PDZD4: variants seen among roughly 807,000 people sequenced by gnomAD.
PDZD4 encodes the protein PDZ domain containing 4.
PDZD4 carries 9 observed loss-of-function variants against 38.5 expected under a neutral mutation model. The observed-to-expected ratio is 0.23, with a 90% CI of 0.14 to 0.41. The LOEUF is 0.41. Among genes scored for constraint, PDZD4 ranks in the 10% least tolerant of loss-of-function variants. The pLI is 1.00. For missense variants in PDZD4, 612 were observed against 722.0 expected (o/e 0.85, Z 1.75); for synonymous variants, 349 against 315.7 (o/e 1.11, Z -1.12).
At chrX:153,807,922 T>C in intron 2 of PDZD4, 1 of 983,619 alleles carries the variant, frequency 1.0e-6, no homozygotes, top group Non-Finnish European at 1.3e-6. Context: ...CAGGCCTGGA[T>C]GAAAGGCCCT....
chrX:153,810,330 C>T (rs915515327), intron 1 of PDZD4, among the ~76,000 whole-genome samples: 3 of 112,481 alleles, frequency 2.7e-5, no homozygotes, highest in Admixed American at 9.3e-5. Context: ...ATGCACGCCT[C>T]GGTGGGAGGC....
At chrX:153,818,196 A>G (rs2064381935) in intron 1 of PDZD4, among the ~76,000 whole-genome samples, 1 of 111,666 alleles carries the variant, frequency 9.0e-6, no homozygotes, top group Non-Finnish European at 1.9e-5. Flanking sequence ...CAGTGAGCCC[A>G]GATCACACCA....
intron 1 of PDZD4, among the ~76,000 whole-genome samples, chrX:153,810,645 C>T (rs1258920426): frequency 8.9e-6 from 1 of 112,458 alleles, no homozygotes; most frequent in African/African-American, 3.2e-5. Context: ...ATTCTCACGG[C>T]GGCACCTCCC....
intron 2 of PDZD4, among the ~76,000 whole-genome samples, chrX:153,807,631 G>C (rs1050861131): frequency 9.0e-5 from 8 of 89,025 alleles, no homozygotes; most frequent in Non-Finnish European, 1.8e-4. Flanking sequence ...CCGTCCCCCA[G>C]ACCAGAACTC....
intron 1 of PDZD4, among the ~76,000 whole-genome samples, chrX:153,810,133 G>A (rs1420468703): frequency 8.9e-6 from 1 of 112,951 alleles, no homozygotes. Context: ...AGGGTCAGCA[G>A]GAAGCACTTC....
chrX:153,806,848 G>A lies in PDZD4; in HGVS notation c.406-8C>T, dbSNP rs2064255418. 5.0e-6 allele frequency: 6 copies of A among 1,197,126 alleles called. No individual in the cohort carries two copies. In the South Asian group the frequency reaches 7.1e-5, roughly 14 times the overall value. On this transcript the variant is annotated splice_polypyrimidine_tract_variant and splice_region_variant and intron_variant, in intron 3 of 7. Coordinates refer to ENST00000393758, the MANE Select transcript of PDZD4 (RefSeq NM_001303512.2). The stretch of plus-strand genomic sequence containing the variant: ...TTTATACAGCTCCACCTCCTGCCAC[G>A]AGGGGTCCGGGAGGAAGCAGAGGTA...
chrX:153,810,156 G>A (rs2064295142), intron 1 of PDZD4, among the ~76,000 whole-genome samples: 1 of 112,932 alleles, frequency 8.9e-6, no homozygotes, highest in African/African-American at 3.2e-5. Flanking sequence ...GGAGGAGGCA[G>A]CTCGAGGCAG....
rs987433573 is a variant in PDZD4, at chrX:153,802,900, G to A, written c.*453C>T. ...GGGGTGCCTTTGTCTACAAATAACT[G>A]CAGTGCGCAGCGGCGGGGAGAGGCC... On this transcript the variant is annotated 3_prime_UTR_variant, in exon 8 of 8. Transcript: ENST00000393758. 8.3e-6 allele frequency: 1 copy of A among 120,042 alleles called. No homozygotes were observed. The highest frequency in any genetic ancestry group is 9.1e-5 in the Admixed American group (1 of 10,970). 9.9% of individuals were successfully genotyped at this position (120,042 alleles called of 1,213,427 possible).
chrX:153,812,463 G>A (rs1320058435), intron 1 of PDZD4, among the ~76,000 whole-genome samples: 2 of 110,670 alleles, frequency 1.8e-5, no homozygotes, highest in African/African-American at 6.6e-5. Flanking sequence ...AGCGCTTGCT[G>A]GGCGGGCTGG....
chrX:153,812,475 G>A (rs1340429514), intron 1 of PDZD4, among the ~76,000 whole-genome samples: 3 of 110,681 alleles, frequency 2.7e-5, no homozygotes, highest in African/African-American at 3.3e-5. Flanking sequence ...GCGGGCTGGC[G>A]GAGGCTGGGA....
At chrX:153,820,658 G>A (rs904012851) in intron 1 of PDZD4, among the ~76,000 whole-genome samples, 22 of 112,257 alleles carry the variant, frequency 2.0e-4, no homozygotes, top group Non-Finnish European at 3.9e-4. Flanking sequence ...TAATGGGAAT[G>A]ACTTCTTGGA....
intron 6 of PDZD4, 92 bp from the exon 7 acceptor site, chrX:153,805,299 G>A (rs1314001211): frequency 3.8e-5 from 34 of 887,287 alleles, no homozygotes; most frequent in East Asian, 1.3e-4. Context: ...GGCTTGTTTC[G>A]GTGAAGCTCA....
At chrX:153,810,672 A>G (rs1245610455) in intron 1 of PDZD4, among the ~76,000 whole-genome samples, 1 of 112,524 alleles carries the variant, frequency 8.9e-6, no homozygotes, top group African/African-American at 3.2e-5. Flanking sequence ...GGTTTCTCAC[A>G]GAGATGTCAA....
chrX:153,829,334 GA>G (rs1425947401), intron 1 of PDZD4, among the ~76,000 whole-genome samples: 1 of 110,262 alleles, frequency 9.1e-6, no homozygotes, highest in Non-Finnish European at 1.9e-5. Flanking sequence ...CCCGGGAGTT[GA>G]ATCCAGGCCA....
chrX:153,815,983 G>A (rs1191994703), intron 1 of PDZD4, among the ~76,000 whole-genome samples: 1 of 99,398 alleles, frequency 1.0e-5, no homozygotes, highest in Non-Finnish European at 2.0e-5. Flanking sequence ...GAGGACAGGA[G>A]CTGGGGCACT....
chrX:153,810,918 T>A (rs1480753890), intron 1 of PDZD4, among the ~76,000 whole-genome samples: 1 of 112,992 alleles, frequency 8.9e-6, no homozygotes, highest in African/African-American at 3.2e-5. Context: ...AAGAGCTTTT[T>A]GTCAAAATCA....
In PDZD4 at chrX:153,803,147, G is replaced by A; in HGVS notation, c.*206C>T. 3.2e-6 allele frequency: 1 copy of A among 310,657 alleles called. No homozygotes were observed. Among genetic ancestry groups the A allele is most frequent in the Non-Finnish European group, 5.5e-6 (1 of 180,384 alleles). 25.6% of individuals were successfully genotyped at this position (310,657 alleles called of 1,213,427 possible). A position where few individuals can be genotyped will look rare whatever the true frequency, so the allele number is the denominator to read the frequency against. On this transcript the variant is annotated 3_prime_UTR_variant, in exon 8 of 8. Transcript: ENST00000393758. ...GCCACTGGCATGGTCACTTTACTTG[G>A]GCAGAAGGAAGAAAAGCGTCCCTTC...
intron 1 of PDZD4, among the ~76,000 whole-genome samples, chrX:153,823,068 T>A (rs1398720193): frequency 9.1e-6 from 1 of 110,146 alleles, no homozygotes; most frequent in Non-Finnish European, 1.9e-5. Flanking sequence ...TTAATTAATT[T>A]ATTTATTTGA....
intron 1 of PDZD4, chrX:153,829,853 C>T: frequency 1.3e-6 from 1 of 779,642 alleles, no homozygotes; most frequent in African/African-American, 2.2e-5. Flanking sequence ...CACGCACTCC[C>T]ACGCTCCAGG....
Sources: allele counts gnomAD v4.1 joint callset (sites outside exome capture counted in the v4.1 genomes callset), GRCh38; gene constraint gnomAD v4.1.1; transcripts MANE v1.5; gene names NCBI Gene and HGNC (gene_info 2026-07-23, HGNC 2026-07-21).